Variants in OGG1 observed in about 807,000 individuals in gnomAD.
The protein encoded by OGG1 is N-glycosylase/DNA lyase.
A neutral mutation model predicts 42.3 loss-of-function variants in OGG1; 35 were observed. That is an observed-to-expected ratio of 0.83 (90% CI 0.63 to 1.10). The LOEUF (loss-of-function observed/expected upper bound fraction) is 1.10. OGG1 is among the 50% of genes least tolerant of loss of function. The probability of loss-of-function intolerance (pLI) is 0.00; values close to 1 mark genes in which losing one functional copy is unlikely to be tolerated. For synonymous variants in OGG1, 189 were observed against 179.0 expected (o/e 1.06, Z -0.44); for missense variants, 484 against 446.7 (o/e 1.08, Z -0.75).
chr3:9,756,382 G>A, intron 4 of OGG1, 89 bp from the exon 5 acceptor site: 1 of 1,329,500 alleles, frequency 7.5e-7, no homozygotes, highest in Non-Finnish European at 1.1e-6. Context: ...CCAGAGTGAA[G>A]GAGAAAGCAG....
rs767833803 is a variant in OGG1 at position 9,781,639 on chromosome 3, T to A, written c.382+39T>A. On this transcript the variant is annotated intron_variant, in intron 3 of 3. Transcript: ENST00000426518. ...CAGATCAATCTCTCTGAACAGGGTC[T>A]GATTTATACATTTCATCGATGGTGG... The A allele has an allele frequency of 9.1e-5, 40 of 438,764 alleles. 1 individual carries two copies. Among genetic ancestry groups the A allele is most frequent in the South Asian group, 6.2e-4 (40 of 64,236 alleles). 27.2% of individuals were successfully genotyped at this position (438,764 alleles called of 1,614,324 possible).
chr3:9,759,319 TG>T, downstream of OGG1: 1 of 1,574,682 alleles, frequency 6.4e-7, no homozygotes, highest in Non-Finnish European at 8.7e-7. Context: ...GAGAAGGTGT[TG>T]GGAGTGTTTG....
chr3:9,763,101 G>A (rs1308161635), intron 7 of OGG1: 1 of 1,614,036 alleles, frequency 6.2e-7, no homozygotes, highest in Admixed American at 1.7e-5. Flanking sequence ...GGACAGCTGG[G>A]AGAGGTGTGG....
In OGG1 at chr3:9,765,995, G is replaced by C. The variant is rs371693150; in HGVS notation, c.*164G>C. On this transcript the variant is annotated 3_prime_UTR_variant, in exon 8 of 8. Transcript: ENST00000302008. ...CTGTGACCACTGCTGGACCAAGGAC[G>C]TGGATGACCCTCCCCTAGTCACTCA... The C allele has an allele frequency of 2.5e-6, 4 of 1,614,062 alleles. No homozygotes were observed. The African/African-American group carries it at 5.3e-5, about 22-fold the overall frequency.
At chr3:9,761,411 C>T (rs565634399), downstream of OGG1, 41 of 1,560,222 alleles carry the variant, frequency 2.6e-5, no homozygotes, top group Middle Eastern at 4.4e-4. Flanking sequence ...GGAAAGTAGG[C>T]GAGAGGACAA....
downstream of OGG1, among the ~76,000 whole-genome samples, chr3:9,771,013 CTCT>C (rs1372514560): frequency 2.0e-5 from 3 of 151,534 alleles, no homozygotes; most frequent in African/African-American, 4.8e-5. Context: ...TTCTTTCTTT[CTCT>C]TCTTCTTTTT....
downstream of OGG1, chr3:9,760,936 C>T (rs1575230431): frequency 9.5e-7 from 1 of 1,048,192 alleles, no homozygotes; most frequent in East Asian, 2.7e-5. Flanking sequence ...ATTATCCTTT[C>T]TGTTCCTTGT....
chr3:9,784,552 T>C (rs544744045), intron 3 of OGG1, among the ~76,000 whole-genome samples: 69 of 152,238 alleles, frequency 4.5e-4, no homozygotes, highest in South Asian at 2.5e-3. Context: ...TTTTTTCCCT[T>C]ATGTGCACAT....
chr3:9,774,550 C>G (rs2078341442), intron 2 of OGG1, among the ~76,000 whole-genome samples: 1 of 151,586 alleles, frequency 6.6e-6, no homozygotes, highest in South Asian at 2.1e-4. Context: ...GTTTTGTAGA[C>G]AATGGCTTAA....
chr3:9,759,790 G>A (rs889023737), downstream of OGG1: 2 of 1,614,006 alleles, frequency 1.2e-6, no homozygotes, highest in Non-Finnish European at 1.7e-6. Flanking sequence ...TGACAGCATG[G>A]TACTGCCTGT....
chr3:9,766,071 AAGT>A, exon 8 of OGG1: 2 of 1,566,726 alleles, frequency 1.3e-6, no homozygotes, highest in South Asian at 1.2e-5. Flanking sequence ...TGGCCAGTCA[AAGT>A]AGTCTCTCCC....
At chr3:9,782,005 T>C (rs556605018) in intron 3 of OGG1, among the ~76,000 whole-genome samples, 74 of 152,142 alleles carry the variant, frequency 4.9e-4, no homozygotes, top group African/African-American at 1.7e-3. Context: ...TAGCTGATTT[T>C]TAAAAATTTT....
chr3:9,772,429 G>A (rs1345785093), intron 2 of OGG1, among the ~76,000 whole-genome samples: 1 of 152,198 alleles, frequency 6.6e-6, no homozygotes, highest in Non-Finnish European at 1.5e-5. Flanking sequence ...GGGGCTTGGA[G>A]ACTGGAACTG....
chr3:9,789,750 C>T (rs1396995089), downstream of OGG1: 2 of 1,614,006 alleles, frequency 1.2e-6, no homozygotes, highest in African/African-American at 1.3e-5. Context: ...CGTGGCACGT[C>T]GATAGGGTCA....
chr3:9,753,403 A>G (rs994623618), intron 3 of OGG1, among the ~76,000 whole-genome samples: 40 of 151,050 alleles, frequency 2.6e-4, no homozygotes, highest in African/African-American at 9.7e-4. Context: ...CCGTAATCCC[A>G]GCATTTTGGG....
downstream of OGG1, chr3:9,761,160 C>T (rs1001808155): frequency 2.8e-5 from 10 of 358,456 alleles, no homozygotes; most frequent in Admixed American, 1.3e-4. Context: ...TATCACCTGA[C>T]GTCAGTTTGT....
chr3:9,785,553 G>A, intron 3 of OGG1: 1 of 655,022 alleles, frequency 1.5e-6, no homozygotes, highest in Non-Finnish European at 2.6e-6. Context: ...CCTACCGTGG[G>A]AAGCCTTCCC....
At chr3:9,780,658 T>C (rs2078438287) in intron 2 of OGG1, 2 of 1,188,524 alleles carry the variant, frequency 1.7e-6, no homozygotes, top group East Asian at 5.1e-5. Flanking sequence ...TGCCTGTGGA[T>C]TGTGTCATAC....
chr3:9,770,312 C>G (rs2078273579), downstream of OGG1, among the ~76,000 whole-genome samples: 1 of 152,206 alleles, frequency 6.6e-6, no homozygotes, highest in Admixed American at 6.5e-5. Flanking sequence ...TCTGCGACCT[C>G]CCTTAGGGCT....
Sources: allele counts gnomAD v4.1 joint callset (sites outside exome capture counted in the v4.1 genomes callset), GRCh38; gene constraint gnomAD v4.1.1; transcripts MANE v1.5; gene names NCBI Gene and HGNC (gene_info 2026-07-23, HGNC 2026-07-21).